The following CAPN1 variants were observed in gnomAD, a reference collection of about 807,000 sequenced individuals.
The protein encoded by CAPN1 is calpain 1.
A neutral mutation model predicts 105.2 loss-of-function variants in CAPN1; 77 were observed. The ratio of observed to expected loss-of-function variants is 0.73; its 90% CI spans 0.61 to 0.88. CAPN1 has a LOEUF of 0.88. Among genes scored for constraint, CAPN1 ranks in the 40% least tolerant of loss-of-function variants. The pLI is 0.00. For missense variants in CAPN1, 833 were observed against 976.6 expected (o/e 0.85, Z 1.96); for synonymous variants, 355 against 388.8 (o/e 0.91, Z 1.02).
chr11:65,185,775 T>C (rs1948622944), intron 4 of CAPN1, 142 bp from the exon 5 acceptor site: 2 of 810,782 alleles, frequency 2.5e-6, no homozygotes, highest in Admixed American at 2.9e-5. Flanking sequence ...ATCTAGTATG[T>C]ATCTAATTTA....
rs1394084918 is a variant in CAPN1 at position 65,204,757 on chromosome 11, G to C, written c.1240G>C (p.Glu414Gln). The C allele has an allele frequency of 6.2e-7, 1 of 1,613,030 alleles. No homozygotes were observed. Among genetic ancestry groups the C allele is most frequent in the African/African-American group, 1.3e-5 (1 of 74,948 alleles). ...TDDPDDYGDR[E>Q]SGCSFVLALM... The stretch of plus-strand genomic sequence containing the variant: ...TGACCCGGACGACTACGGGGACCGC[G>C]AGTCAGGCTGCAGCTTCGTGCTCGC... The change falls in exon 11 of 22, where the codon GAG becomes CAG. Residue 414 changes from glutamate to glutamine, a missense_variant. By Grantham distance (29) the Glu-to-Gln change is conservative. Transcript: ENST00000279247.
Position 65,183,195 on chromosome 11 carries a change from T to G in CAPN1, c.335T>G (p.Leu112Arg). 2 of 1,613,870 alleles carry G rather than the reference T, an allele frequency of 1.2e-6. No individual in the cohort carries two copies. The highest frequency in any genetic ancestry group is 1.7e-6 in the Non-Finnish European group (2 of 1,179,786). Residue 112 changes from leucine to arginine, a missense_variant and splice_region_variant, in exon 3 of 22, where the codon CTG becomes CGG. Physicochemically the swap from Leu to Arg is moderately radical, Grantham distance 102 (BLOSUM62 -2). Coordinates refer to ENST00000279247, the MANE Select transcript of CAPN1 (RefSeq NM_005186.4). Reference protein sequence around the residue: ...ATRTDICQGALGDCWLLAAIA... With the variant: ...ATRTDICQGARGDCWLLAAIA... Reference sequence around the variant, plus strand: ...CGCACAGACATCTGCCAGGGAGCACTGGGTAGGCCCCCAGGGCGTCGGGTC... The same window carrying G: ...CGCACAGACATCTGCCAGGGAGCACGGGGTAGGCCCCCAGGGCGTCGGGTC...
At chr11:65,206,739 G>C in intron 13 of CAPN1, 41 bp from the exon 14 acceptor site, 1 of 1,611,644 alleles carries the variant, frequency 6.2e-7, no homozygotes, top group Non-Finnish European at 8.5e-7. Flanking sequence ...GCCCTCTGCT[G>C]TCCCCCTCTG....
In CAPN1 at chr11:65,182,520, G is replaced by C. The variant is rs17883382; in HGVS notation, c.-1-181G>C. On this transcript the variant is annotated intron_variant, in intron 1 of 21. Coordinates refer to ENST00000279247, the MANE Select transcript of CAPN1 (RefSeq NM_005186.4). Reference sequence around the variant, plus strand: ...TGGGAACTGGGAAATCCCTTTCCTGGATTCACTGGGAGCACCGGGAGGTGG... The same window carrying C: ...TGGGAACTGGGAAATCCCTTTCCTGCATTCACTGGGAGCACCGGGAGGTGG... The C allele has an allele frequency of 4.1e-3, 2,507 of 611,122 alleles. 49 individuals carry two copies. In the African/African-American group the frequency reaches 0.042, roughly 10 times the overall value. The allele number at this position is 611,122 out of a possible 1,614,324, so 37.9% of individuals were successfully genotyped here.
chr11:65,191,025 T>C (rs1028741646), intron 10 of CAPN1, among the ~76,000 whole-genome samples: 6 of 152,176 alleles, frequency 3.9e-5, no homozygotes, highest in Non-Finnish European at 2.9e-5. Context: ...TGACCTCTGT[T>C]TTTCCAAATG....
chr11:65,207,868 CACGCCACTGT>C (rs527267597), intron 14 of CAPN1, among the ~76,000 whole-genome samples, 177 bp from the exon 15 acceptor site: 140 of 152,162 alleles, frequency 9.2e-4, no homozygotes, highest in African/African-American at 3.2e-3. Context: ...GAGCTGAGAT[CACGCCACTGT>C]ACTCCAGCCT....
chr11:65,209,166 C>A lies in CAPN1; in HGVS notation c.1730-157C>A. On this transcript the variant is annotated intron_variant, in intron 16 of 21. Transcript: ENST00000279247. The surrounding 1 kb of genome is among the most constrained non-coding windows in gnomAD (Gnocchi z 4.1). ...TGCTAAAATACTTTACTTGTACTTC[C>A]TGATGATACAAACAATCCTGCCCAC... 1 of 634,930 alleles carries A rather than the reference C, an allele frequency of 1.6e-6. No individual in the cohort carries two copies. Among genetic ancestry groups the A allele is most frequent in the South Asian group, 1.8e-5 (1 of 55,124 alleles). 39.3% of individuals were successfully genotyped at this position (634,930 alleles called of 1,614,324 possible).
intron 3 of CAPN1, 106 bp downstream of exon 3, chr11:65,183,303 G>C: frequency 1.6e-6 from 2 of 1,245,430 alleles, no homozygotes; most frequent in Non-Finnish European, 2.3e-6. Context: ...GCCCAGGCAG[G>C]ATCTGGCTAT....
At chr11:65,186,143 A>G (rs1948629799) in intron 5 of CAPN1, 27 bp from the exon 6 acceptor site, 1 of 1,610,160 alleles carries the variant, frequency 6.2e-7, no homozygotes, top group Non-Finnish European at 8.5e-7. Flanking sequence ...GCTTGATGCC[A>G]GAGTGCTGAC....
At chr11:65,187,684 C>T (rs1948655447) in intron 7 of CAPN1, 10 of 446,934 alleles carry the variant, frequency 2.2e-5, no homozygotes, top group East Asian at 1.9e-4. Context: ...GTCAGGAGTT[C>T]GAGACCAGCC....
In CAPN1 at chr11:65,210,221, C is replaced by A; in HGVS notation, c.1943-115C>A. 8.8e-7 allele frequency: 1 copy of A among 1,132,426 alleles called. No individual in the cohort carries two copies. The highest frequency in any genetic ancestry group is 2.5e-5 in the East Asian group (1 of 40,654). 70.1% of individuals were successfully genotyped at this position (1,132,426 alleles called of 1,614,324 possible). ...GGTAACAGCCATCTTGTCCTTTTCC[C>A]CACGGTTACTAGCACCCTGCCTAGC... On this transcript the variant is annotated intron_variant, in intron 19 of 21. Transcript: ENST00000279247. This position sits in a 1 kb window ranked among gnomAD's most constrained non-coding sequence, Gnocchi z 4.3.
Position 65,210,784 on chromosome 11 carries a change from GC to G in CAPN1, c.2060-27del. 2 of 1,593,970 alleles carry G rather than the reference GC, an allele frequency of 1.3e-6. No homozygotes were observed. The highest frequency in any genetic ancestry group is 1.7e-6 in the Non-Finnish European group (2 of 1,161,932). On this transcript the variant is annotated intron_variant, in intron 20 of 21. Coordinates refer to ENST00000279247, the MANE Select transcript of CAPN1 (RefSeq NM_005186.4). This position sits in a 1 kb window ranked among gnomAD's most constrained non-coding sequence, Gnocchi z 4.3. Reference sequence around the variant, plus strand: ...GCGTGAATATCCCACTGAGTTTTCAGCCCTGTATCACCTTTTCTTGAACACA... The same window carrying G: ...GCGTGAATATCCCACTGAGTTTTCAGCCTGTATCACCTTTTCTTGAACACA...
chr11:65,184,032 G>A (rs538496265), intron 4 of CAPN1, among the ~76,000 whole-genome samples: 10 of 152,214 alleles, frequency 6.6e-5, no homozygotes, highest in East Asian at 1.9e-4. Flanking sequence ...AGAAAGACTC[G>A]GGATTAAGTC....
chr11:65,186,188 G>A lies in CAPN1; in HGVS notation c.609G>A (p.Glu203=). Reference sequence around the variant, plus strand: ...CCCACAGGGTAAATGGCAGCTACGAGGCCCTGTCAGGGGGCAGCACCTCAG... The same window carrying A: ...CCCACAGGGTAAATGGCAGCTACGAAGCCCTGTCAGGGGGCAGCACCTCAG... ...KAYAKVNGSY[E]ALSGGSTSEG... Residue 203 remains glutamate, a synonymous_variant, in exon 6 of 22, where the codon GAG becomes GAA. Coordinates refer to ENST00000279247, the MANE Select transcript of CAPN1 (RefSeq NM_005186.4). The A allele has an allele frequency of 6.2e-7, 1 of 1,613,454 alleles. No individual in the cohort carries two copies.
intron 10 of CAPN1, chr11:65,203,586 C>G (rs1364787818): frequency 1.3e-5 from 2 of 152,232 alleles, no homozygotes; most frequent in African/African-American, 2.4e-5. Context: ...TCTCAAAACT[C>G]CTGACCTCAA....
intron 4 of CAPN1, 86 bp downstream of exon 4, chr11:65,183,678 C>T (rs1034867658): frequency 1.1e-5 from 10 of 872,226 alleles, no homozygotes; most frequent in Admixed American, 2.0e-5. Flanking sequence ...TAGGGCCACA[C>T]CCTGTGGGGC....
Position 65,210,076 on chromosome 11 carries a change from G to A in CAPN1, c.1922G>A (p.Arg641Gln), listed in dbSNP as rs973792919. The stretch of plus-strand genomic sequence containing the variant: ...GGCAGCATGAGTGCCTACGAGATGC[G>A]GATGGCCATTGAGTCGGCAGGTGAG... ...KSGSMSAYEMRMAIESAGFKL... is the reference protein window; with the variant it reads ...KSGSMSAYEMQMAIESAGFKL... The change falls in exon 19 of 22, where the codon CGG (arginine) becomes CAG (glutamine). Residue 641 changes from arginine (R) to glutamine (Q), a missense_variant. By Grantham distance (43) the Arg-to-Gln change is conservative (BLOSUM62 1). Transcript: ENST00000279247. This position sits in a 1 kb window ranked among gnomAD's most constrained non-coding sequence, Gnocchi z 4.3. 1.2e-5 allele frequency: 20 copies of A among 1,612,510 alleles called. No individual in the cohort carries two copies. Among genetic ancestry groups the A allele is most frequent in the Non-Finnish European group, 1.7e-5 (20 of 1,179,714 alleles).
At chr11:65,185,520 C>G (rs1365883782) in intron 4 of CAPN1, among the ~76,000 whole-genome samples, 2 of 151,818 alleles carry the variant, frequency 1.3e-5, no homozygotes, top group African/African-American at 4.8e-5. Flanking sequence ...AAATCTCCCC[C>G]ACAAAAGACA....
intron 14 of CAPN1, among the ~76,000 whole-genome samples, chr11:65,207,392 G>T (rs1448476963): frequency 2.0e-5 from 3 of 151,332 alleles, no homozygotes; most frequent in Non-Finnish European, 2.9e-5. Flanking sequence ...TAGAGACGGG[G>T]TTTTGCCATT....
Sources: allele counts gnomAD v4.1 joint callset (sites outside exome capture counted in the v4.1 genomes callset), GRCh38; gene constraint gnomAD v4.1.1; non-coding constraint Gnocchi (gnomAD v3.1); transcripts MANE v1.5; gene names NCBI Gene and HGNC (gene_info 2026-07-23, HGNC 2026-07-21).